PDE11A: variants seen among roughly 807,000 people sequenced by gnomAD.
PDE11A encodes phosphodiesterase 11A.
In PDE11A, 100 loss-of-function variants were observed where a neutral mutation model predicts 100.5. The ratio of observed to expected loss-of-function variants is 1.00; its 90% confidence interval spans 0.85 to 1.18. The LOEUF is 1.18. Among genes scored for constraint, PDE11A ranks in the 50% most tolerant of loss-of-function variants. PDE11A has a pLI of 0.00. For synonymous variants in PDE11A, 381 were observed against 420.8 expected (o/e 0.91, Z 1.16); for missense variants, 1,141 against 1,152.6 (o/e 0.99, Z 0.15).
intron 5 of PDE11A, among the ~76,000 whole-genome samples, chr2:177,847,085 A>G (rs540180467): frequency 2.7e-4 from 41 of 151,470 alleles, no homozygotes; most frequent in South Asian, 6.3e-4. Flanking sequence ...TCCTTAAGTT[A>G]CTCCTCTTGT....
chr2:177,862,744 A>T (rs2083964423), intron 5 of PDE11A, among the ~76,000 whole-genome samples: 1 of 151,968 alleles, frequency 6.6e-6, no homozygotes, highest in Non-Finnish European at 1.5e-5. Context: ...AATATTGTTA[A>T]AATGTCCATA....
rs755522318 is a variant in PDE11A at position 178,071,830 on chromosome 2, T to A, written c.608A>T (p.Gln203Leu). 1 of 1,614,102 alleles carries A rather than the reference T, an allele frequency of 6.2e-7. No individual in the cohort carries two copies. Among genetic ancestry groups the A allele is most frequent in the Non-Finnish European group, 8.5e-7 (1 of 1,179,934 alleles). Residue 203 changes from glutamine to leucine, a missense_variant, in exon 1 of 20, where the codon CAG (glutamine) becomes CTG (leucine). Transcript: ENST00000286063. Reference sequence around the variant, plus strand: ...ATCTTTGACCAATTCCAGAAAGAACTGACGCTCATTATGCTTTTTCAGATG... The same window carrying A: ...ATCTTTGACCAATTCCAGAAAGAACAGACGCTCATTATGCTTTTTCAGATG... ...KCHLKKHNERQFFLELVKDIS... is the reference protein window; with the variant it reads ...KCHLKKHNERLFFLELVKDIS...
chr2:177,657,568 A>G (rs2080408436), intron 19 of PDE11A, among the ~76,000 whole-genome samples: 1 of 152,168 alleles, frequency 6.6e-6, no homozygotes, highest in Non-Finnish European at 1.5e-5. Context: ...GAGACCATGT[A>G]AGGATAGTTC....
At chr2:178,036,010 G>T (rs2086608944) in intron 1 of PDE11A, among the ~76,000 whole-genome samples, 1 of 152,152 alleles carries the variant, frequency 6.6e-6, no homozygotes, top group South Asian at 2.1e-4. Context: ...CATACTATTG[G>T]AAGTTCTGGC....
chr2:177,792,570 C>T (rs2082647973), intron 9 of PDE11A, among the ~76,000 whole-genome samples: 1 of 152,100 alleles, frequency 6.6e-6, no homozygotes, highest in Non-Finnish European at 1.5e-5. Flanking sequence ...TTTGAAACAG[C>T]GTGGCTCTGC....
intron 2 of PDE11A, among the ~76,000 whole-genome samples, chr2:178,092,205 CAGT>C (rs1480270812): frequency 2.0e-5 from 3 of 152,176 alleles, no homozygotes; most frequent in Non-Finnish European, 4.4e-5. Context: ...CCATCATCAA[CAGT>C]AGTTGTTAGA....
intron 7 of PDE11A, 34 bp downstream of exon 7, chr2:177,820,186 T>G: frequency 9.1e-7 from 1 of 1,098,362 alleles, no homozygotes; most frequent in South Asian, 1.3e-5. Context: ...TGTTTCTTTA[T>G]TCAAGAAGTT....
chr2:177,659,079 T>C (rs1371666203), intron 19 of PDE11A, among the ~76,000 whole-genome samples: 1 of 151,690 alleles, frequency 6.6e-6, no homozygotes, highest in Non-Finnish European at 1.5e-5. Flanking sequence ...GCCAACATGG[T>C]GAAACCCCAT....
intron 19 of PDE11A, among the ~76,000 whole-genome samples, chr2:177,656,963 G>C (rs963676985): frequency 1.3e-5 from 2 of 152,096 alleles, no homozygotes; most frequent in African/African-American, 4.8e-5. Context: ...AATGAATGAG[G>C]GGGTTTCCGA....
intron 2 of PDE11A, among the ~76,000 whole-genome samples, chr2:178,000,810 G>A (rs1296734623): frequency 6.6e-6 from 1 of 152,136 alleles, no homozygotes; most frequent in East Asian, 1.9e-4. Context: ...TTTTCCTCGT[G>A]TCAAGTACCC....
intron 4 of PDE11A, among the ~76,000 whole-genome samples, chr2:177,886,122 A>G (rs1300339565): frequency 2.0e-5 from 3 of 152,200 alleles, no homozygotes; most frequent in Admixed American, 6.5e-5. Context: ...GCTGGAAAGA[A>G]CTAAGAGAAG....
intron 13 of PDE11A, among the ~76,000 whole-genome samples, chr2:177,705,325 A>G (rs2081263283): frequency 6.6e-6 from 1 of 152,212 alleles, no homozygotes; most frequent in Non-Finnish European, 1.5e-5. Context: ...CCATCATATA[A>G]GTGTCTTTGG....
chr2:177,871,718 G>A (rs1345796289), intron 5 of PDE11A, among the ~76,000 whole-genome samples: 1 of 151,848 alleles, frequency 6.6e-6, no homozygotes, highest in African/African-American at 2.4e-5. Context: ...AAATTAGCCA[G>A]GTGTGGTGGC....
At chr2:177,635,876 A>G (rs1332219386) in intron 19 of PDE11A, among the ~76,000 whole-genome samples, 3 of 151,442 alleles carry the variant, frequency 2.0e-5, no homozygotes, top group African/African-American at 7.3e-5. Context: ...TTTTATGGCT[A>G]TCTAGTATTC....
Position 178,069,018 on chromosome 2 carries a change from T to C in PDE11A, c.912+2508A>G, listed in dbSNP as rs1472919793. Among the ~76,000 whole-genome samples, 4 of 152,282 alleles carry C rather than the reference T, an allele frequency of 2.6e-5. No homozygotes were observed. In the East Asian group the frequency reaches 7.7e-4, roughly 29 times the overall value. On this transcript the variant is annotated intron_variant, in intron 1 of 19. Coordinates refer to ENST00000286063, the MANE Select transcript of PDE11A (RefSeq NM_016953.4). ...GGAAAAGATTAGGCTGGTCAAAATGTGCTGACTTCACATCTCAGTTCCAGA... is the reference window on the plus strand; with the variant it reads ...GGAAAAGATTAGGCTGGTCAAAATGCGCTGACTTCACATCTCAGTTCCAGA...
At chr2:178,088,028 T>C (rs1468678848) in intron 2 of PDE11A, among the ~76,000 whole-genome samples, 1 of 152,170 alleles carries the variant, frequency 6.6e-6, no homozygotes, top group Non-Finnish European at 1.5e-5. Context: ...ACTGTCCTTT[T>C]CTGCACTGAA....
chr2:177,700,661 C>G (rs557904395), intron 14 of PDE11A, among the ~76,000 whole-genome samples: 1 of 152,300 alleles, frequency 6.6e-6, no homozygotes, highest in African/African-American at 2.4e-5. Context: ...ATTTTAAGTT[C>G]TTTTAAGTTG....
rs199920848 is a variant in PDE11A at position 177,919,102 on chromosome 2, A to ATT, written c.1072-13917_1072-13916dup. Among the ~76,000 whole-genome samples the ATT allele has an allele frequency of 8.2e-5, 12 of 146,150 alleles. 1 individual carries two copies. The highest frequency in any genetic ancestry group is 2.0e-4 in the African/African-American group (8 of 39,866). On this transcript the variant is annotated intron_variant, in intron 2 of 19. Coordinates refer to ENST00000286063, the MANE Select transcript of PDE11A (RefSeq NM_016953.4). ...AAATAAAAATATTAGAAGATTTAAC[A>ATT]TTTTTTTTTTTTTGAGACAGAGTCT...
intron 3 of PDE11A, among the ~76,000 whole-genome samples, chr2:177,904,068 A>G (rs2084740745): frequency 6.6e-6 from 1 of 152,240 alleles, no homozygotes; most frequent in Admixed American, 6.5e-5. Context: ...TGATGGCCAG[A>G]TTAATTAGGG....
Sources: allele counts gnomAD v4.1 joint callset (sites outside exome capture counted in the v4.1 genomes callset), GRCh38; gene constraint gnomAD v4.1.1; transcripts MANE v1.5; gene names NCBI Gene and HGNC (gene_info 2026-07-23, HGNC 2026-07-21).